The following UNC79 variants were observed in gnomAD, a reference collection of about 807,000 sequenced individuals.
UNC79 encodes protein unc-79 homolog.
In UNC79, 37 loss-of-function variants were observed where a neutral mutation model predicts 283.1. That is an observed-to-expected ratio of 0.13 (90% confidence interval 0.10 to 0.17). The LOEUF (loss-of-function observed/expected upper bound fraction) is 0.17. UNC79 is among the 10% of genes least tolerant of loss of function. UNC79 has a pLI of 1.00. For synonymous variants in UNC79, 1,107 were observed against 1,200.2 expected (o/e 0.92, Z 1.61); for missense variants, 2,272 against 3,211.1 (o/e 0.71, Z 7.07).
rs548186103 is a variant in UNC79 at position 93,489,975 on chromosome 14, G to A, written c.712+2220G>A. Among the ~76,000 whole-genome samples, 5 of 152,334 alleles carry A rather than the reference G, an allele frequency of 3.3e-5. No individual in the cohort carries two copies. In the East Asian group the frequency reaches 7.7e-4, roughly 23 times the overall value. On this transcript the variant is annotated intron_variant, in intron 5 of 48. Transcript: ENST00000555664. ...TAGGTGGAGGTGAATACACCCCCAT[G>A]CCTTTGCTGGGTACAGTGCATGCTG... is the stretch of plus-strand genomic sequence containing the variant.
intron 1 of UNC79, among the ~76,000 whole-genome samples, chr14:93,336,467 G>A (rs1303388692): frequency 6.6e-6 from 1 of 151,844 alleles, no homozygotes; most frequent in African/African-American, 2.4e-5. Flanking sequence ...TCAGCCTCCC[G>A]AGTAGCTGGG....
chr14:93,499,397 A>C (rs967648251), intron 7 of UNC79, among the ~76,000 whole-genome samples: 1 of 152,236 alleles, frequency 6.6e-6, no homozygotes, highest in African/African-American at 2.4e-5. Flanking sequence ...ATGGATAATC[A>C]GTATTAAATA....
intron 1 of UNC79, among the ~76,000 whole-genome samples, chr14:93,357,003 C>T (rs995292208): frequency 2.6e-5 from 4 of 152,166 alleles, no homozygotes; most frequent in African/African-American, 9.7e-5. Context: ...AATTCTCACC[C>T]TCCTTCCACC....
At chr14:93,676,842 A>G (rs1362242135) in intron 41 of UNC79, among the ~76,000 whole-genome samples, 1 of 152,224 alleles carries the variant, frequency 6.6e-6, no homozygotes, top group East Asian at 1.9e-4. Flanking sequence ...AAGACAGCAA[A>G]AAGATACTTC....
At chr14:93,413,184 AC>A (rs1249186413) in intron 1 of UNC79, among the ~76,000 whole-genome samples, 11 of 85,394 alleles carry the variant, frequency 1.3e-4, no homozygotes, top group African/African-American at 4.7e-4. Context: ...CCCTCCCCCC[AC>A]CCCACAACAG....
intron 15 of UNC79, among the ~76,000 whole-genome samples, 160 bp from the exon 16 acceptor site, chr14:93,572,533 C>T (rs1029104283): frequency 6.6e-6 from 1 of 152,216 alleles, no homozygotes; most frequent in African/African-American, 2.4e-5. Context: ...ACATAAACTT[C>T]TCTTACAGTA....
intron 1 of UNC79, 43 bp from the exon 2 acceptor site, chr14:93,467,628 C>CT (rs398026224): frequency 2.5e-5 from 19 of 762,708 alleles, no homozygotes; most frequent in Middle Eastern, 4.8e-4. Flanking sequence ...TTTCTTCTTC[C>CT]TTTTTTTTTT....
chr14:93,686,730 A>G (rs974933008), intron 43 of UNC79, 69 bp downstream of exon 46: 11 of 1,562,442 alleles, frequency 7.0e-6, no homozygotes, highest in Non-Finnish European at 9.6e-6. Flanking sequence ...AATTAAGCAG[A>G]CCATAGGGAA....
intron 1 of UNC79, among the ~76,000 whole-genome samples, chr14:93,363,772 G>A (rs1238185576): frequency 6.6e-6 from 1 of 151,802 alleles, no homozygotes; most frequent in Non-Finnish European, 1.5e-5. Context: ...AGGCTGGAGT[G>A]CAGTGGTGCA....
intron 1 of UNC79, among the ~76,000 whole-genome samples, chr14:93,367,454 T>C (rs937999622): frequency 2.6e-5 from 4 of 152,076 alleles, no homozygotes; most frequent in Non-Finnish European, 5.9e-5. Context: ...CCTTTATCAA[T>C]GCTGTGTGAG....
At chr14:93,659,971 T>C (rs2071361582) in intron 39 of UNC79, among the ~76,000 whole-genome samples, 1 of 152,142 alleles carries the variant, frequency 6.6e-6, no homozygotes, top group South Asian at 2.1e-4. Flanking sequence ...GCTTCCATGG[T>C]ATTTGATAGA....
chr14:93,337,923 G>A (rs2053614636), intron 1 of UNC79, among the ~76,000 whole-genome samples: 1 of 152,122 alleles, frequency 6.6e-6, no homozygotes, highest in Non-Finnish European at 1.5e-5. Flanking sequence ...TCCAGCTGCA[G>A]CCTCACATGG....
intron 14 of UNC79, among the ~76,000 whole-genome samples, chr14:93,549,647 A>C (rs2061773073): frequency 6.6e-6 from 1 of 152,248 alleles, no homozygotes; most frequent in African/African-American, 2.4e-5. Context: ...CTGAACCAGA[A>C]TAGATTCAGA....
intron 14 of UNC79, among the ~76,000 whole-genome samples, chr14:93,563,568 G>A (rs926152248): frequency 3.3e-5 from 5 of 152,256 alleles, no homozygotes; most frequent in Admixed American, 1.3e-4. Flanking sequence ...TAGTGCAGCG[G>A]GGGCAGAGCA....
chr14:93,559,006 A>G (rs1222103342), intron 14 of UNC79, among the ~76,000 whole-genome samples: 1 of 152,202 alleles, frequency 6.6e-6, no homozygotes, highest in African/African-American at 2.4e-5. Context: ...TCTCCTCTCA[A>G]AGACAGCACT....
At chr14:93,438,126 A>G (rs1264512523) in intron 1 of UNC79, among the ~76,000 whole-genome samples, 1 of 152,184 alleles carries the variant, frequency 6.6e-6, no homozygotes, top group Non-Finnish European at 1.5e-5. Flanking sequence ...GAAGTATCCA[A>G]AATAAAAATG....
intron 32 of UNC79, among the ~76,000 whole-genome samples, chr14:93,638,225 A>G (rs548315588): frequency 1.3e-5 from 2 of 152,328 alleles, no homozygotes; most frequent in Admixed American, 6.5e-5. Flanking sequence ...TCACTCTTCT[A>G]ATTTTCCTAA....
chr14:93,456,549 C>T (rs1418310911), intron 1 of UNC79, among the ~76,000 whole-genome samples: 1 of 152,000 alleles, frequency 6.6e-6, no homozygotes, highest in Non-Finnish European at 1.5e-5. Context: ...TAGAATAGGG[C>T]CAATGTTAGC....
intron 7 of UNC79, among the ~76,000 whole-genome samples, chr14:93,509,579 G>T (rs1054442554): frequency 2.0e-5 from 3 of 152,266 alleles, no homozygotes; most frequent in Admixed American, 2.0e-4. Context: ...CATGGCCCAT[G>T]AAGTCCGAAA....
Sources: allele counts gnomAD v4.1 joint callset (sites outside exome capture counted in the v4.1 genomes callset), GRCh38; gene constraint gnomAD v4.1.1; transcripts MANE v1.5; gene names NCBI Gene and HGNC (gene_info 2026-07-23, HGNC 2026-07-21).